CUTC: variants seen among roughly 807,000 people sequenced by gnomAD.
CUTC encodes the protein copper homeostasis protein cutC homolog.
A neutral mutation model predicts 36.2 loss-of-function variants in CUTC; 27 were observed. The ratio of observed to expected loss-of-function variants is 0.75; its 90% CI spans 0.55 to 1.03. The LOEUF (loss-of-function observed/expected upper bound fraction) is 1.03, where lower values mean the gene tolerates loss of function less well. CUTC is among the 50% of genes least tolerant of loss of function. The pLI is 0.00. For missense variants in CUTC, 315 were observed against 343.5 expected, an observed-to-expected ratio of 0.92 and a Z score of 0.66; for synonymous variants, 114 against 118.3, an observed-to-expected ratio of 0.96 and a Z score of 0.24.
chr10:99,743,067 A>C, intron 3 of CUTC, 86 bp from the exon 4 acceptor site: 1 of 1,293,932 alleles, frequency 7.7e-7, no homozygotes, highest in Non-Finnish European at 1.1e-6. Context: ...TACCTTTTAG[A>C]GCCATCTTTG....
chr10:99,738,579 G>A (rs993110551), intron 2 of CUTC, among the ~76,000 whole-genome samples: 2 of 151,946 alleles, frequency 1.3e-5, no homozygotes, highest in Non-Finnish European at 2.9e-5. Flanking sequence ...TCATCTTTTA[G>A]AGTATCCCAT....
At chr10:99,732,502 C>G (rs1278419554) in intron 1 of CUTC, 93 bp downstream of exon 1, 11 of 1,533,800 alleles carry the variant, frequency 7.2e-6, no homozygotes, top group South Asian at 1.2e-5. Context: ...CTTCTGGAGT[C>G]GTTTCCTCAG....
At chr10:99,744,785 C>T (rs113952349) in intron 5 of CUTC, among the ~76,000 whole-genome samples, 9,526 of 152,236 alleles carry the variant, frequency 0.063, 399 homozygotes, top group Admixed American at 0.094. Flanking sequence ...GACGGAGTCT[C>T]GCTCTGTCGC....
intron 3 of CUTC, among the ~76,000 whole-genome samples, chr10:99,740,769 A>G (rs2037335505): frequency 6.6e-6 from 1 of 152,138 alleles, no homozygotes; most frequent in African/African-American, 2.4e-5. Flanking sequence ...GAACTTCTCT[A>G]TTTAAAAGAA....
At chr10:99,755,039 C>G (rs1205426172) in intron 8 of CUTC, among the ~76,000 whole-genome samples, 1 of 152,198 alleles carries the variant, frequency 6.6e-6, no homozygotes, top group Non-Finnish European at 1.5e-5. Context: ...TCTTCCCTCA[C>G]ATTTGTTCTC....
chr10:99,732,551 G>C (rs1419944844), intron 1 of CUTC, 142 bp downstream of exon 1: 1 of 1,455,792 alleles, frequency 6.9e-7, no homozygotes, highest in South Asian at 1.4e-5. Context: ...CTATCTTTGA[G>C]GCGTTAAAGG....
At chr10:99,741,916 C>G (rs775673491) in intron 3 of CUTC, among the ~76,000 whole-genome samples, 2 of 152,122 alleles carry the variant, frequency 1.3e-5, no homozygotes, top group Admixed American at 6.6e-5. Context: ...TTGAGATAGT[C>G]TTTGCTACTC....
intron 3 of CUTC, among the ~76,000 whole-genome samples, chr10:99,742,359 A>G (rs753850096): frequency 6.6e-6 from 1 of 152,072 alleles, no homozygotes; most frequent in Admixed American, 6.6e-5. Flanking sequence ...AAGTTTGTAT[A>G]CACAACAGCC....
At chr10:99,750,479 GA>G in intron 7 of CUTC, 83 bp downstream of exon 7, 1 of 1,012,610 alleles carries the variant, frequency 9.9e-7, no homozygotes, top group Non-Finnish European at 1.5e-6. Flanking sequence ...ATGTGAGAGA[GA>G]GTATTAGTAC....
intron 5 of CUTC, among the ~76,000 whole-genome samples, chr10:99,746,305 AATGATGAGAACACATAGACACATAG>A (rs1461678544): frequency 6.6e-6 from 1 of 152,214 alleles, no homozygotes; most frequent in Non-Finnish European, 1.5e-5. Context: ...GTGGGAGCTA[AATGATGAGAACACATAGACACATAG>A]AGGGGAACAA....
At chr10:99,744,185 T>A in intron 5 of CUTC, 113 bp downstream of exon 5, 1 of 799,956 alleles carries the variant, frequency 1.3e-6, no homozygotes, top group Non-Finnish European at 1.9e-6. Flanking sequence ...GGTTACCAAT[T>A]GGTTTTTTAG....
At chr10:99,749,834 T>C (rs1459423178) in intron 6 of CUTC, among the ~76,000 whole-genome samples, 2 of 152,196 alleles carry the variant, frequency 1.3e-5, no homozygotes, top group African/African-American at 4.8e-5. Context: ...GGAATTTTAT[T>C]GTATAAATAT....
chr10:99,746,588 A>G (rs915972785), intron 5 of CUTC, among the ~76,000 whole-genome samples: 1 of 152,150 alleles, frequency 6.6e-6, no homozygotes, highest in South Asian at 2.1e-4. Flanking sequence ...TTCATTTCTT[A>G]TCTGCATTTA....
At chr10:99,741,194 C>T (rs1368256465) in intron 3 of CUTC, among the ~76,000 whole-genome samples, 1 of 152,114 alleles carries the variant, frequency 6.6e-6, no homozygotes, top group Non-Finnish European at 1.5e-5. Flanking sequence ...CCTTTTGGGT[C>T]TTGCTTTTAA....
Position 99,753,237 on chromosome 10 carries a change from G to C in CUTC, c.602-1292G>C, listed in dbSNP as rs143034762. ...AGGAATAGAAGGAAATAATATATTT[G>C]TCTCTTAATCCTTACAATAAGCTTG... On this transcript the variant is annotated intron_variant, in intron 7 of 8. Coordinates refer to ENST00000370476, the MANE Select transcript of CUTC (RefSeq NM_015960.3). Among the ~76,000 whole-genome samples the C allele has an allele frequency of 7.2e-5, 11 of 152,238 alleles. No homozygotes were observed. In the East Asian group the frequency reaches 1.9e-3, roughly 27 times the overall value.
chr10:99,740,763 T>G (rs2037335431), intron 3 of CUTC, among the ~76,000 whole-genome samples: 1 of 152,184 alleles, frequency 6.6e-6, no homozygotes, highest in Non-Finnish European at 1.5e-5. Flanking sequence ...ACTGATGAAC[T>G]TCTCTATTTA....
At chr10:99,746,201 TC>T (rs1286625645) in intron 5 of CUTC, among the ~76,000 whole-genome samples, 1 of 152,228 alleles carries the variant, frequency 6.6e-6, no homozygotes, top group East Asian at 1.9e-4. Flanking sequence ...CAAGATCATG[TC>T]CTTTGCAGAG....
intron 3 of CUTC, among the ~76,000 whole-genome samples, chr10:99,740,229 A>C (rs2037331975): frequency 1.3e-5 from 2 of 152,162 alleles, no homozygotes; most frequent in Admixed American, 6.5e-5. Flanking sequence ...ACATGCAACT[A>C]CCATTTCTGG....
chr10:99,755,286 G>A (rs545004135), intron 8 of CUTC, among the ~76,000 whole-genome samples: 99 of 150,660 alleles, frequency 6.6e-4, no homozygotes, highest in African/African-American at 2.2e-3. Context: ...TCAGGAGTTC[G>A]AGACCAGTCT....
Sources: allele counts gnomAD v4.1 joint callset (sites outside exome capture counted in the v4.1 genomes callset), GRCh38; gene constraint gnomAD v4.1.1; transcripts MANE v1.5; gene names NCBI Gene and HGNC (gene_info 2026-07-23, HGNC 2026-07-21).